Variants in KAZN observed in about 807,000 individuals in gnomAD.
KAZN encodes kazrin.
In KAZN, 40 loss-of-function variants were observed where a neutral mutation model predicts 87.4. The ratio of observed to expected loss-of-function variants is 0.46; its 90% CI spans 0.36 to 0.60. The LOEUF (loss-of-function observed/expected upper bound fraction) is 0.60. Ranked by LOEUF, KAZN falls within the 20% of genes least tolerant of loss-of-function variation. The probability of loss-of-function intolerance (pLI) is 0.00; values close to 1 mark genes in which losing one functional copy is unlikely to be tolerated. For missense variants in KAZN, 898 were observed against 1,073.9 expected (o/e 0.84, Z 2.29); for synonymous variants, 466 against 458.3 (o/e 1.02, Z -0.22).
chr1:14,925,051 T>C (rs1196523457), intron 1 of KAZN, among the ~76,000 whole-genome samples: 1 of 152,250 alleles, frequency 6.6e-6, no homozygotes, highest in Non-Finnish European at 1.5e-5. Flanking sequence ...ATTGCTGCGT[T>C]TCTCATACAC....
At chr1:14,296,332 A>G (rs1262192691) in intron 2 of KAZN, among the ~76,000 whole-genome samples, 1 of 152,194 alleles carries the variant, frequency 6.6e-6, no homozygotes, top group East Asian at 1.9e-4. Flanking sequence ...GAAAGGCCCC[A>G]GTGGGTAAGA....
intron 1 of KAZN, among the ~76,000 whole-genome samples, chr1:14,830,159 T>G (rs1004700008): frequency 1.3e-5 from 2 of 152,208 alleles, no homozygotes; most frequent in Non-Finnish European, 2.9e-5. Flanking sequence ...TCAAGTCGTG[T>G]CATCATGAAT....
chr1:14,728,600 G>A (rs1643529654), intron 1 of KAZN, among the ~76,000 whole-genome samples: 2 of 152,302 alleles, frequency 1.3e-5, no homozygotes, highest in African/African-American at 4.8e-5. Flanking sequence ...GGGTTCAAAT[G>A]CAGCCGGTTC....
In KAZN at chr1:14,436,730, A is replaced by AC. The variant is rs1158352338; in HGVS notation, c.250-162253_250-162252insC. 1.4e-3 allele frequency among the ~76,000 whole-genome samples: 217 copies of AC among 150,350 alleles called. 3 individuals are homozygous for AC. The highest frequency in any genetic ancestry group is 1.9e-3 in the Non-Finnish European group (129 of 67,638). On this transcript the variant is annotated intron_variant, in intron 2 of 16. Coordinates refer to the KAZN transcript ENST00000636203. The stretch of plus-strand genomic sequence containing the variant: ...GAGACTCTGTCTCAAAAAAAAAAAA[A>AC]AAAAAAAACCTTAAAACAATCCTGA...
At chr1:14,946,691 A>G (rs1661841551) in intron 1 of KAZN, among the ~76,000 whole-genome samples, 1 of 152,126 alleles carries the variant, frequency 6.6e-6, no homozygotes, top group Non-Finnish European at 1.5e-5. Flanking sequence ...CCGTTCACCT[A>G]CTTCTCCTCT....
chr1:14,912,980 T>C (rs1330848287), intron 1 of KAZN, among the ~76,000 whole-genome samples: 1 of 151,962 alleles, frequency 6.6e-6, no homozygotes, highest in African/African-American at 2.4e-5. Flanking sequence ...CCACAGTAAA[T>C]GGTAGCTATT....
chr1:13,983,578 C>T (rs1638859826), intron 1 of KAZN, among the ~76,000 whole-genome samples: 1 of 152,196 alleles, frequency 6.6e-6, no homozygotes, highest in East Asian at 1.9e-4. Flanking sequence ...AGGGAGTGGG[C>T]TCTGGCCTTG....
intron 1 of KAZN, among the ~76,000 whole-genome samples, chr1:14,734,137 G>A (rs982402760): frequency 6.6e-6 from 1 of 152,080 alleles, no homozygotes; most frequent in African/African-American, 2.4e-5. Context: ...CCTCGAGCCT[G>A]CCCCAGCTAC....
chr1:14,162,540 C>CT (rs1431056734), intron 1 of KAZN, among the ~76,000 whole-genome samples: 2 of 130,616 alleles, frequency 1.5e-5, no homozygotes, highest in African/African-American at 3.4e-5. Context: ...CTTTTCTTTT[C>CT]TTTTTTCTTT....
At chr1:14,281,105 A>C (rs1051241555) in intron 2 of KAZN, among the ~76,000 whole-genome samples, 3 of 152,180 alleles carry the variant, frequency 2.0e-5, no homozygotes, top group African/African-American at 7.2e-5. Context: ...AGGATTTCTA[A>C]ATGTTCTTAA....
chr1:14,469,825 T>G (rs1190612053), intron 2 of KAZN, among the ~76,000 whole-genome samples: 1 of 152,236 alleles, frequency 6.6e-6, no homozygotes, highest in Non-Finnish European at 1.5e-5. Context: ...CTGGAAGATT[T>G]GGGACTAACC....
intron 2 of KAZN, among the ~76,000 whole-genome samples, chr1:14,248,095 C>A (rs1047896104): frequency 2.0e-5 from 3 of 152,156 alleles, no homozygotes; most frequent in African/African-American, 7.2e-5. Flanking sequence ...CCAGGGATTT[C>A]ACAGGCAAAA....
intron 1 of KAZN, among the ~76,000 whole-genome samples, chr1:14,768,122 G>A (rs972566490): frequency 5.3e-5 from 8 of 152,004 alleles, no homozygotes; most frequent in Admixed American, 2.0e-4. Context: ...CTCTCACTAC[G>A]GTATGAATTT....
intron 1 of KAZN, among the ~76,000 whole-genome samples, chr1:13,959,084 C>T (rs775359877): frequency 5.3e-5 from 8 of 152,172 alleles, no homozygotes; most frequent in Non-Finnish European, 2.9e-5. Flanking sequence ...CCACCATGTC[C>T]AGGTGATTGC....
At chr1:14,327,243 G>A (rs1232397124) in intron 2 of KAZN, among the ~76,000 whole-genome samples, 2 of 152,146 alleles carry the variant, frequency 1.3e-5, no homozygotes, top group African/African-American at 2.4e-5. Flanking sequence ...CACCGTCACT[G>A]ACTTGTATTT....
chr1:14,124,796 C>T (rs1319596828), intron 1 of KAZN, among the ~76,000 whole-genome samples: 1 of 152,132 alleles, frequency 6.6e-6, no homozygotes, highest in Non-Finnish European at 1.5e-5. Flanking sequence ...AAAGTGTGCA[C>T]AGAGCACCTG....
chr1:14,069,266 T>C (rs116224853), intron 1 of KAZN, among the ~76,000 whole-genome samples: 1,644 of 152,266 alleles, frequency 0.011, 26 homozygotes, highest in South Asian at 0.067. Flanking sequence ...GGGCTGCTTG[T>C]CCCTTGGGCA....
chr1:14,998,621 T>C (rs894412024), intron 2 of KAZN, among the ~76,000 whole-genome samples: 5 of 152,220 alleles, frequency 3.3e-5, no homozygotes, highest in African/African-American at 1.2e-4. Context: ...CCATCTCAGC[T>C]CACGGCAACC....
Position 14,924,082 on chromosome 1 carries a change from G to A in KAZN, c.227-36602G>A, listed in dbSNP as rs974285370. The A allele has an allele frequency of 1.5e-5, 14 of 960,420 alleles. No homozygotes were observed. The African/African-American group carries it at 2.3e-4, about 16-fold the overall frequency. The allele number at this position is 960,420 out of a possible 1,614,324, so 59.5% of individuals were successfully genotyped here. A position where few individuals can be genotyped will look rare whatever the true frequency, so the allele number is the denominator to read the frequency against. ...GCGGGGCGGGGGCGGGGCGAGCCTC[G>A]GCAGTCGCCAGCCCGGAAGGAGCGG... On this transcript the variant is annotated intron_variant, in intron 1 of 14. Coordinates refer to ENST00000376030, the MANE Select transcript of KAZN (RefSeq NM_201628.3).
Sources: allele counts gnomAD v4.1 joint callset (sites outside exome capture counted in the v4.1 genomes callset), GRCh38; gene constraint gnomAD v4.1.1; transcripts MANE v1.5; gene names NCBI Gene and HGNC (gene_info 2026-07-23, HGNC 2026-07-21).